Variants in CTNNB1 observed in about 807,000 individuals in gnomAD.
CTNNB1 encodes the protein catenin beta-1.
CTNNB1 carries 6 observed loss-of-function variants against 82.5 expected under a neutral mutation model. The ratio of observed to expected loss-of-function variants is 0.07; its 90% confidence interval spans 0.04 to 0.14. The LOEUF is 0.14. Ranked by LOEUF, CTNNB1 falls within the 10% of genes least tolerant of loss-of-function variation. The pLI, the probability that CTNNB1 is intolerant of heterozygous loss-of-function variation, is 1.00. For synonymous variants in CTNNB1, 312 were observed against 329.7 expected (o/e 0.95, Z 0.58); for missense variants, 529 against 980.4 (o/e 0.54, Z 6.15).
intron 1 of CTNNB1, among the ~76,000 whole-genome samples, chr3:41,212,786 T>C (rs996495663): frequency 6.6e-6 from 1 of 152,238 alleles, no homozygotes; most frequent in South Asian, 2.1e-4. Flanking sequence ...GCAAGCCAGA[T>C]AGGTAGGAGT....
chr3:41,233,165 C>T (rs534614588), intron 7 of CTNNB1, 176 bp from the exon 8 acceptor site: 4 of 669,368 alleles, frequency 6.0e-6, no homozygotes, highest in Non-Finnish European at 1.0e-5. Flanking sequence ...GGTGAACTGG[C>T]AAAGTGAAGG....
rs1207330730 is a variant in CTNNB1, at chr3:41,239,986, CT to C, written c.*669del. The C allele has an allele frequency of 0.092, 2,991 of 32,408 alleles. 41 individuals are homozygous for C. Among genetic ancestry groups the C allele is most frequent in the African/African-American group, 0.16 (1,394 of 8,900 alleles). The allele number at this position is 32,408 out of a possible 1,614,324, so 2.0% of individuals were successfully genotyped here. ...TGACTTTGCTTGCTTTGAAGTAGCTCTTTTTTTTTTTTTTTTTTTTTTTTTG... is the reference window on the plus strand; with the variant it reads ...TGACTTTGCTTGCTTTGAAGTAGCTCTTTTTTTTTTTTTTTTTTTTTTTTG... On this transcript the variant is annotated 3_prime_UTR_variant, in exon 15 of 15. Coordinates refer to ENST00000349496, the MANE Select transcript of CTNNB1 (RefSeq NM_001904.4).
intron 14 of CTNNB1, among the ~76,000 whole-genome samples, chr3:41,238,709 CT>C (rs1355883463): frequency 6.6e-6 from 1 of 152,104 alleles, no homozygotes; most frequent in Non-Finnish European, 1.5e-5. Context: ...GTCACTTGGC[CT>C]TTTTGTCAAG....
chr3:41,208,880 A>G (rs1297631825), intron 1 of CTNNB1, among the ~76,000 whole-genome samples: 2 of 152,058 alleles, frequency 1.3e-5, no homozygotes, highest in Non-Finnish European at 2.9e-5. Flanking sequence ...TTACAAAAAA[A>G]ATTTTTTCTC....
intron 7 of CTNNB1, among the ~76,000 whole-genome samples, chr3:41,228,735 C>T (rs1420555161): frequency 5.9e-5 from 9 of 152,104 alleles, no homozygotes; most frequent in Admixed American, 5.9e-4. Context: ...TTTATACTGT[C>T]CCATTTGTCA....
intron 1 of CTNNB1, among the ~76,000 whole-genome samples, chr3:41,223,268 A>C (rs2078094330): frequency 6.6e-6 from 1 of 152,134 alleles, no homozygotes; most frequent in Admixed American, 6.5e-5. Flanking sequence ...TGTGTGATGC[A>C]GTTTTTTTCA....
chr3:41,211,421 T>C (rs980592020), intron 1 of CTNNB1, among the ~76,000 whole-genome samples: 1 of 152,184 alleles, frequency 6.6e-6, no homozygotes, highest in Admixed American at 6.5e-5. Flanking sequence ...GGTGTACATG[T>C]GCAGGTTTGT....
intron 10 of CTNNB1, 53 bp downstream of exon 10, chr3:41,234,350 C>A: frequency 6.3e-7 from 1 of 1,586,870 alleles, no homozygotes; most frequent in South Asian, 1.1e-5. Context: ...TGCATAAATC[C>A]AAAGGATCCT....
chr3:41,201,926 TAAC>T, intron 1 of CTNNB1, among the ~76,000 whole-genome samples: 1 of 152,260 alleles, frequency 6.6e-6, no homozygotes, highest in East Asian at 1.9e-4. Context: ...CTTGTTTTAA[TAAC>T]ACCACCACCA....
chr3:41,214,189 A>G (rs915562990), intron 1 of CTNNB1, among the ~76,000 whole-genome samples: 4 of 152,150 alleles, frequency 2.6e-5, no homozygotes, highest in Admixed American at 2.0e-4. Context: ...GTCCTTAGCT[A>G]TGGGGAGCAG....
intron 6 of CTNNB1, 63 bp from the exon 7 acceptor site, chr3:41,227,145 G>T (rs2125627175): frequency 3.7e-6 from 5 of 1,362,076 alleles, no homozygotes; most frequent in Non-Finnish European, 5.2e-6. Flanking sequence ...TGGTAATATG[G>T]CTCTTCTCAG....
Position 41,237,285 on chromosome 3 carries a change from C to T in CTNNB1, c.2076+576C>T, listed in dbSNP as rs2177140. On this transcript the variant is annotated intron_variant, in intron 13 of 14. Transcript: ENST00000349496. ...TTTACAACGATGCAGCTCTTGAGACCGGAGTTTAAGATCAGCCTGGGCAAC... is the reference window on the plus strand; with the variant it reads ...TTTACAACGATGCAGCTCTTGAGACTGGAGTTTAAGATCAGCCTGGGCAAC... The T allele has an allele frequency of 2.1e-3, 338 of 160,488 alleles. 2 individuals are homozygous for T. The highest frequency in any genetic ancestry group is 0.015 in the East Asian group (80 of 5,396). The allele number at this position is 160,488 out of a possible 1,614,324, so 9.9% of individuals were successfully genotyped here. A position where few individuals can be genotyped will look rare whatever the true frequency, so the allele number is the denominator to read the frequency against.
At chr3:41,210,310 C>T (rs999165923) in intron 1 of CTNNB1, among the ~76,000 whole-genome samples, 10 of 151,968 alleles carry the variant, frequency 6.6e-5, no homozygotes, top group East Asian at 1.9e-4. Flanking sequence ...AAAAATTAGC[C>T]GGGCGTGGTG....
At chr3:41,200,960 G>C (rs1006382658) in intron 1 of CTNNB1, among the ~76,000 whole-genome samples, 2 of 152,218 alleles carry the variant, frequency 1.3e-5, no homozygotes, top group African/African-American at 4.8e-5. Context: ...AGGAAATCGA[G>C]GAGTGGTTTT....
chr3:41,237,339 TGGA>T (rs1263716521), intron 13 of CTNNB1: 1 of 153,860 alleles, frequency 6.5e-6, no homozygotes, highest in African/African-American at 2.5e-5. Context: ...TAGCTGGGCA[TGGA>T]GATGGATGCC....
intron 1 of CTNNB1, among the ~76,000 whole-genome samples, chr3:41,207,851 T>G (rs1438989316): frequency 6.6e-6 from 1 of 152,214 alleles, no homozygotes; most frequent in Non-Finnish European, 1.5e-5. Context: ...CTCTCTCAAG[T>G]GGTGAATTTT....
chr3:41,240,223 G>T lies in CTNNB1; in HGVS notation c.*881G>T. 1 of 196,622 alleles carries T rather than the reference G, an allele frequency of 5.1e-6. No homozygotes were observed. The highest frequency in any genetic ancestry group is 1.1e-5 in the Non-Finnish European group (1 of 94,572). The allele number at this position is 196,622 out of a possible 1,614,324, so 12.2% of individuals were successfully genotyped here. A position where few individuals can be genotyped will look rare whatever the true frequency, so the allele number is the denominator to read the frequency against. ...GTCCAATTAGTTTCCTTTTTAATAT[G>T]CTTAAAATAAGCAGGTGGATCTATT... is the stretch of plus-strand genomic sequence containing the variant. On this transcript the variant is annotated 3_prime_UTR_variant, in exon 15 of 15. Coordinates refer to ENST00000349496, the MANE Select transcript of CTNNB1 (RefSeq NM_001904.4).
chr3:41,199,983 G>A (rs2077485917), intron 1 of CTNNB1: 1 of 147,760 alleles, frequency 6.8e-6, no homozygotes, highest in South Asian at 2.2e-4. Context: ...GTGGGGGTCT[G>A]TGGTTTCCGT....
chr3:41,239,351 T>G lies in CTNNB1; in HGVS notation c.*9T>G, dbSNP rs1296426385. 1.2e-6 allele frequency: 2 copies of G among 1,612,560 alleles called. No homozygotes were observed. Among genetic ancestry groups the G allele is most frequent in the Non-Finnish European group, 1.7e-6 (2 of 1,179,054 alleles). On this transcript the variant is annotated 3_prime_UTR_variant, in exon 15 of 15. Coordinates refer to ENST00000349496, the MANE Select transcript of CTNNB1 (RefSeq NM_001904.4). The stretch of plus-strand genomic sequence containing the variant: ...TTGATACTGACCTGTAAATCATCCT[T>G]TAGGTAAGAAGTTTTAAAAAGCCAG...
Sources: allele counts gnomAD v4.1 joint callset (sites outside exome capture counted in the v4.1 genomes callset), GRCh38; gene constraint gnomAD v4.1.1; transcripts MANE v1.5; gene names NCBI Gene and HGNC (gene_info 2026-07-23, HGNC 2026-07-21).